Variants in CATSPERH observed in about 807,000 individuals in gnomAD.
The protein encoded by CATSPERH is cation channel sperm-associated auxiliary subunit eta.
chr11:65,089,060 C>T, the CATSPERH span: 1 of 1,525,842 alleles, frequency 6.6e-7, no homozygotes, highest in Middle Eastern at 1.8e-4. Flanking sequence ...GCAAGTCAGA[C>T]TTGAGAGCTG....
the CATSPERH span, chr11:65,088,696 T>C: frequency 3.9e-6 from 6 of 1,536,214 alleles, no homozygotes; most frequent in Non-Finnish European, 5.2e-6. Flanking sequence ...TTTTCTGTCA[T>C]CTCAGCATAG....
chr11:65,088,973 G>A, the CATSPERH span: 263 of 1,535,630 alleles, frequency 1.7e-4, 1 homozygote, highest in South Asian at 3.1e-4. Context: ...CAGCGCAGCC[G>A]TGGTGAGCAT....
the CATSPERH span, chr11:65,088,488 A>G: frequency 6.5e-7 from 1 of 1,536,208 alleles, no homozygotes; most frequent in Non-Finnish European, 8.7e-7. Context: ...CGATGGCCAG[A>G]AACTCCAAGG....
the CATSPERH span, chr11:65,088,928 C>G: frequency 6.5e-7 from 1 of 1,535,774 alleles, no homozygotes; most frequent in Admixed American, 2.0e-5. Flanking sequence ...GTGCACGTCT[C>G]TGATGAAGAT....
chr11:65,088,697 C>G, the CATSPERH span: 2 of 1,536,240 alleles, frequency 1.3e-6, no homozygotes, highest in Non-Finnish European at 1.7e-6. Flanking sequence ...TTTCTGTCAT[C>G]TCAGCATAGA....
chr11:65,088,774 G>A, the CATSPERH span: 2 of 1,535,296 alleles, frequency 1.3e-6, no homozygotes, highest in Non-Finnish European at 1.7e-6. Flanking sequence ...CAGTGGGAGA[G>A]TGGCCCCCTC....
the CATSPERH span, chr11:65,088,513 A>G: frequency 6.5e-7 from 1 of 1,536,086 alleles, no homozygotes; most frequent in Non-Finnish European, 8.7e-7. Flanking sequence ...GCGGTTGAAG[A>G]ACATGGCTCC....
the CATSPERH span, chr11:65,088,435 C>T: frequency 6.5e-7 from 1 of 1,536,038 alleles, no homozygotes; most frequent in Non-Finnish European, 8.7e-7. Flanking sequence ...CTCCTTAGCC[C>T]TGTTCCGACT....
At chr11:65,089,044 G>A in the CATSPERH span, 1 of 1,533,924 alleles carries the variant, frequency 6.5e-7, no homozygotes, top group Non-Finnish European at 8.7e-7. Context: ...TGCCCGCAGT[G>A]TAGATGCAAG....
chr11:65,088,381 A>G, the CATSPERH span: 1 of 1,447,480 alleles, frequency 6.9e-7, no homozygotes, highest in Non-Finnish European at 9.4e-7. Flanking sequence ...GTGGAAATAA[A>G]CAACAACTTT....
the CATSPERH span, chr11:65,088,706 G>C: frequency 3.3e-6 from 5 of 1,536,200 alleles, no homozygotes; most frequent in Middle Eastern, 1.7e-4. Flanking sequence ...TCTCAGCATA[G>C]AGTGACCCCA....
the CATSPERH span, chr11:65,088,617 C>A: frequency 6.5e-7 from 1 of 1,533,530 alleles, no homozygotes; most frequent in Non-Finnish European, 8.7e-7. Context: ...AAGCTCCCCG[C>A]TCCCTCTTGC....
the CATSPERH span, chr11:65,088,480 A>G: frequency 6.5e-7 from 1 of 1,536,128 alleles, no homozygotes; most frequent in Admixed American, 2.0e-5. Context: ...CCGGTACTCG[A>G]TGGCCAGAAA....
At chr11:65,088,378 TAAAC>T in the CATSPERH span, 1 of 1,440,396 alleles carries the variant, frequency 6.9e-7, no homozygotes. Context: ...CAGGTGGAAA[TAAAC>T]AACAACTTTA....
the CATSPERH span, chr11:65,088,478 C>T: frequency 6.2e-5 from 96 of 1,536,224 alleles, no homozygotes; most frequent in Admixed American, 9.8e-5. Context: ...TCCCGGTACT[C>T]GATGGCCAGA....
chr11:65,088,645 A>G, the CATSPERH span: 185 of 1,535,748 alleles, frequency 1.2e-4, no homozygotes, highest in Non-Finnish European at 1.6e-4. Context: ...CACTCCTGCC[A>G]CTCACTCAGG....
At chr11:65,088,425 C>T in the CATSPERH span, 24 of 1,534,926 alleles carry the variant, frequency 1.6e-5, no homozygotes, top group Non-Finnish European at 2.0e-5. Context: ...TTGCTTCCCC[C>T]TCCTTAGCCC....
chr11:65,088,630 C>A, the CATSPERH span: 1 of 1,535,260 alleles, frequency 6.5e-7, no homozygotes, highest in Non-Finnish European at 8.7e-7. Context: ...CCTCTTGCAC[C>A]CTCCCACTCC....
At chr11:65,088,556 T>C in the CATSPERH span, 2 of 1,525,458 alleles carry the variant, frequency 1.3e-6, no homozygotes, top group Admixed American at 3.9e-5. Flanking sequence ...GAGCCCCCCA[T>C]GAGCCCCAGT....
Sources: allele counts gnomAD v4.1 joint callset, GRCh38; gene constraint gnomAD v4.1.1; transcripts MANE v1.5; gene names NCBI Gene and HGNC (gene_info 2026-07-23, HGNC 2026-07-21).